RERE: variants seen among roughly 807,000 people sequenced by gnomAD.
RERE encodes arginine-glutamic acid dipeptide repeats.
A neutral mutation model predicts 146.1 loss-of-function variants in RERE; 40 were observed. That is an observed-to-expected ratio of 0.27 (90% CI 0.21 to 0.36). The LOEUF (loss-of-function observed/expected upper bound fraction) is 0.36. Ranked by LOEUF, RERE falls within the 10% of genes least tolerant of loss-of-function variation. The pLI is 1.00. For synonymous variants in RERE, 1,003 were observed against 866.0 expected (o/e 1.16, Z -2.78); for missense variants, 1,933 against 2,138.7 (o/e 0.90, Z 1.90).
intron 12 of RERE, among the ~76,000 whole-genome samples, chr1:8,371,811 T>C (rs1642047953): frequency 6.6e-6 from 1 of 152,188 alleles, no homozygotes; most frequent in Non-Finnish European, 1.5e-5. Flanking sequence ...GTATTAATAC[T>C]GGTTCTGCTG....
At chr1:8,605,745 C>CCAA (rs1461196508) in intron 4 of RERE, among the ~76,000 whole-genome samples, 1 of 64,518 alleles carries the variant, frequency 1.5e-5, no homozygotes, top group Non-Finnish European at 2.6e-5. Context: ...ACCCCATCTC[C>CCAA]AAAAAAAAAA....
intron 10 of RERE, among the ~76,000 whole-genome samples, chr1:8,493,849 T>C (rs896127686): frequency 2.0e-5 from 3 of 152,198 alleles, no homozygotes; most frequent in African/African-American, 2.4e-5. Flanking sequence ...ATATCAGAAA[T>C]TGATTCCATA....
chr1:8,521,904 T>C (rs1029422308), intron 7 of RERE, among the ~76,000 whole-genome samples: 3 of 152,208 alleles, frequency 2.0e-5, no homozygotes, highest in Admixed American at 2.0e-4. Flanking sequence ...CCCAAAAGCT[T>C]GATGTCCAAT....
At chr1:8,543,607 A>G (rs1645824846) in intron 6 of RERE, among the ~76,000 whole-genome samples, 1 of 152,238 alleles carries the variant, frequency 6.6e-6, no homozygotes, top group African/African-American at 2.4e-5. Context: ...GGGTTTATCA[A>G]TCTTGGCACT....
intron 1 of RERE, among the ~76,000 whole-genome samples, chr1:8,743,870 A>G (rs1217364930): frequency 1.3e-5 from 2 of 151,996 alleles, no homozygotes; most frequent in Non-Finnish European, 2.9e-5. Flanking sequence ...TTTTCTCCAG[A>G]GCACTTTTCA....
At position 8,501,027 on chromosome 1, in the gene RERE, C is replaced by CGG. The variant is rs1187425730; in HGVS notation, c.880-3500_880-3499dup. On this transcript the variant is annotated intron_variant, in intron 8 of 22. Transcript: ENST00000400908. ...GTCTCCGCCCGGCAGCCACCCCGTC[C>CGG]GGGAGGGGGGGGGGGGGTCAGCCCC... Among the ~76,000 whole-genome samples, 18 of 38,282 alleles carry CGG rather than the reference C, an allele frequency of 4.7e-4. 2 individuals are homozygous for CGG. Among genetic ancestry groups the CGG allele is most frequent in the South Asian group, 9.1e-4 (1 of 1,100 alleles). The allele number at this position is 38,282 out of a possible 152,430, so 25.1% of individuals were successfully genotyped here.
intron 1 of RERE, among the ~76,000 whole-genome samples, chr1:8,788,362 G>GTTT (rs372484015): frequency 8.9e-5 from 12 of 134,768 alleles, no homozygotes; most frequent in East Asian, 2.2e-4. Context: ...TTATCAAGGA[G>GTTT]TTTTTTTTTT....
chr1:8,602,298 G>A (rs1646642302), intron 4 of RERE, among the ~76,000 whole-genome samples: 1 of 151,818 alleles, frequency 6.6e-6, no homozygotes, highest in South Asian at 2.1e-4. Context: ...GGCTGAGGCA[G>A]GAGAATCACT....
chr1:8,692,656 C>T (rs1238487349), intron 1 of RERE, among the ~76,000 whole-genome samples: 4 of 152,058 alleles, frequency 2.6e-5, no homozygotes, highest in Non-Finnish European at 5.9e-5. Flanking sequence ...GCCCGGTATA[C>T]TTTAAAAAGA....
intron 8 of RERE, among the ~76,000 whole-genome samples, chr1:8,505,144 G>A (rs1645233774): frequency 6.6e-6 from 1 of 152,196 alleles, no homozygotes; most frequent in Non-Finnish European, 1.5e-5. Context: ...TGGGAATTAA[G>A]AGAGATTTAA....
intron 7 of RERE, among the ~76,000 whole-genome samples, chr1:8,511,575 C>A (rs978201429): frequency 6.6e-6 from 1 of 152,084 alleles, no homozygotes; most frequent in Non-Finnish European, 1.5e-5. Flanking sequence ...AGGTAGATAG[C>A]AACACACCAC....
chr1:8,354,967 A>G lies in RERE; in HGVS notation c.*120T>C. On this transcript the variant is annotated 3_prime_UTR_variant, in exon 23 of 23. Transcript: ENST00000400908. Reference sequence around the variant, plus strand: ...CATTTTTAGTTGTGGGTTTTTAAATATATAAAGAAATCTTTAGAAGATATT... The same window carrying G: ...CATTTTTAGTTGTGGGTTTTTAAATGTATAAAGAAATCTTTAGAAGATATT... 2.5e-6 allele frequency: 2 copies of G among 797,264 alleles called. No individual in the cohort carries two copies. Among genetic ancestry groups the G allele is most frequent in the Non-Finnish European group, 4.1e-6 (2 of 492,504 alleles). 49.4% of individuals were successfully genotyped at this position (797,264 alleles called of 1,614,324 possible).
intron 13 of RERE, 43 bp downstream of exon 13, chr1:8,365,767 AAC>A: frequency 6.2e-7 from 1 of 1,602,208 alleles, no homozygotes; most frequent in Middle Eastern, 1.7e-4. Flanking sequence ...GCTGCCCGTG[AAC>A]AGTCTCCCCT....
intron 1 of RERE, among the ~76,000 whole-genome samples, chr1:8,794,708 G>A (rs1360955218): frequency 6.6e-6 from 1 of 151,948 alleles, no homozygotes; most frequent in Admixed American, 6.6e-5. Context: ...ACCAGCCTGG[G>A]CAACACGGCA....
chr1:8,809,889 A>G (rs1284750493), intron 1 of RERE, among the ~76,000 whole-genome samples: 1 of 152,240 alleles, frequency 6.6e-6, no homozygotes, highest in Admixed American at 6.5e-5. Context: ...TGAGAAGGTT[A>G]TAACAAGAAC....
chr1:8,457,465 G>T (rs958606406), intron 11 of RERE, among the ~76,000 whole-genome samples: 5 of 152,182 alleles, frequency 3.3e-5, no homozygotes, highest in Non-Finnish European at 7.3e-5. Context: ...TGCATGCAGG[G>T]TGTTAGGAAA....
chr1:8,751,139 G>A, intron 1 of RERE: 1 of 353,684 alleles, frequency 2.8e-6, no homozygotes, highest in East Asian at 6.1e-5. Context: ...TGAAACATCT[G>A]AGCACACTTC....
In RERE at chr1:8,774,947, CTTTCTTTT is replaced by C. The variant is rs1261349431; in HGVS notation, c.-145+42205_-145+42212del. ...CCTTTCATAGTAGCATTTCTTCTTT[CTTTCTTTT>C]TTTTTTTTTTTTTTTTTTTTTTTTT... is the stretch of plus-strand genomic sequence containing the variant. On this transcript the variant is annotated intron_variant, in intron 1 of 22. Coordinates refer to ENST00000400908, the MANE Select transcript of RERE (RefSeq NM_001042681.2). Among the ~76,000 whole-genome samples, 95 of 111,496 alleles carry C rather than the reference CTTTCTTTT, an allele frequency of 8.5e-4. 3 individuals are homozygous for C. Among genetic ancestry groups the C allele is most frequent in the Admixed American group, 1.8e-3 (17 of 9,556 alleles). 73.1% of individuals were successfully genotyped at this position (111,496 alleles called of 152,430 possible). A position where few individuals can be genotyped will look rare whatever the true frequency, so the allele number is the denominator to read the frequency against.
At chr1:8,399,378 CTTATT>C (rs920968098) in intron 12 of RERE, among the ~76,000 whole-genome samples, 6 of 152,048 alleles carry the variant, frequency 3.9e-5, no homozygotes, top group African/African-American at 1.4e-4. Context: ...AAGTTACAAT[CTTATT>C]TTATTTTGTT....
Sources: allele counts gnomAD v4.1 joint callset (sites outside exome capture counted in the v4.1 genomes callset), GRCh38; gene constraint gnomAD v4.1.1; transcripts MANE v1.5; gene names NCBI Gene and HGNC (gene_info 2026-07-23, HGNC 2026-07-21).